The following TNRC6A variants were observed in gnomAD, a reference collection of about 807,000 sequenced individuals.
TNRC6A encodes trinucleotide repeat containing adaptor 6A.
Under a neutral mutation model 221.2 loss-of-function variants are expected in TNRC6A, and 44 were observed. The observed-to-expected ratio is 0.20, with a 90% CI of 0.16 to 0.26. The LOEUF is 0.26. Ranked by LOEUF, TNRC6A falls within the 10% of genes least tolerant of loss-of-function variation. The pLI, the probability that TNRC6A is intolerant of heterozygous loss-of-function variation, is 1.00. For missense variants in TNRC6A, 2,199 were observed against 2,404.4 expected (o/e 0.91, Z 1.79); for synonymous variants, 847 against 838.5 (o/e 1.01, Z -0.18).
intron 1 of TNRC6A, among the ~76,000 whole-genome samples, chr16:24,630,491 T>C (rs1038365696): frequency 6.6e-6 from 1 of 152,136 alleles, no homozygotes; most frequent in African/African-American, 2.4e-5. Context: ...TAGTGAGAAC[T>C]TGTTTCTACA....
intron 2 of TNRC6A, among the ~76,000 whole-genome samples, chr16:24,671,999 G>A (rs949433638): frequency 1.4e-4 from 21 of 152,230 alleles, no homozygotes; most frequent in African/African-American, 5.1e-4. Context: ...ACATTTGAGG[G>A]ACAGTTGGTG....
chr16:24,821,546 G>A (rs1287108470), intron 22 of TNRC6A, among the ~76,000 whole-genome samples: 2 of 152,170 alleles, frequency 1.3e-5, no homozygotes, highest in Non-Finnish European at 2.9e-5. Flanking sequence ...GCCTTGAGTT[G>A]CAGATGGGGT....
rs2058834074 is a variant in TNRC6A at position 24,824,449 on chromosome 16, T to G, written c.*642T>G. ...AATTTCGCTCTGCAGTTTGAAAAAC[T>G]GTGGCCACAGCTGTGACTTGCAGCC... On this transcript the variant is annotated 3_prime_UTR_variant, in exon 25 of 25. Coordinates refer to ENST00000395799, the MANE Select transcript of TNRC6A (RefSeq NM_014494.4). The G allele has an allele frequency of 6.6e-6, 1 of 152,640 alleles. No homozygotes were observed. Among genetic ancestry groups the G allele is most frequent in the Non-Finnish European group, 1.5e-5 (1 of 68,024 alleles). The allele number at this position is 152,640 out of a possible 1,614,324, so 9.5% of individuals were successfully genotyped here. A position where few individuals can be genotyped will look rare whatever the true frequency, so the allele number is the denominator to read the frequency against.
At chr16:24,815,024 CTAGAG>C in intron 18 of TNRC6A, 118 bp from the exon 19 acceptor site, 1 of 1,054,248 alleles carries the variant, frequency 9.5e-7, no homozygotes, top group South Asian at 1.6e-5. Context: ...AAGAGTTACT[CTAGAG>C]AACACAGCCT....
At chr16:24,676,468 A>AT (rs963194475) in intron 2 of TNRC6A, among the ~76,000 whole-genome samples, 2 of 151,648 alleles carry the variant, frequency 1.3e-5, no homozygotes, top group African/African-American at 4.8e-5. Flanking sequence ...AGCTGATTTT[A>AT]TTTTTAAGAC....
At chr16:24,783,274 G>A (rs972996332) in intron 5 of TNRC6A, among the ~76,000 whole-genome samples, 1 of 151,910 alleles carries the variant, frequency 6.6e-6, no homozygotes, top group African/African-American at 2.4e-5. Context: ...GATTATAAGC[G>A]TCCACCACCA....
At chr16:24,795,558 T>C (rs2058201337) in intron 8 of TNRC6A, 1 of 245,030 alleles carries the variant, frequency 4.1e-6, no homozygotes, top group East Asian at 7.8e-5. Context: ...CAGATACCAG[T>C]GGATAGCTGG....
chr16:24,729,194 A>G (rs2056546738), upstream of TNRC6A, among the ~76,000 whole-genome samples: 1 of 151,972 alleles, frequency 6.6e-6, no homozygotes, highest in Non-Finnish European at 1.5e-5. Flanking sequence ...AGAGAAGCAG[A>G]GAGGTTAAAT....
At chr16:24,619,333 A>G (rs1900545592) in intron 1 of TNRC6A, among the ~76,000 whole-genome samples, 1 of 152,228 alleles carries the variant, frequency 6.6e-6, no homozygotes, top group African/African-American at 2.4e-5. Flanking sequence ...CATGAATTTA[A>G]GTAGCTGCTA....
chr16:24,704,664 C>CAAAAAAAAAAAAAAAAAAA (rs58926085), intron 2 of TNRC6A, among the ~76,000 whole-genome samples: 6 of 69,454 alleles, frequency 8.6e-5, no homozygotes, highest in Non-Finnish European at 1.4e-4. Context: ...GACTCCGTCT[C>CAAAAAAAAAAAAAAAAAAA]AAAAAAAAAA....
chr16:24,823,330 C>T lies in TNRC6A; in HGVS notation c.5514-102C>T. On this transcript the variant is annotated intron_variant, in intron 24 of 24. Transcript: ENST00000395799. The surrounding 1 kb of genome is among the most constrained non-coding windows in gnomAD (Gnocchi z 4.3). The stretch of plus-strand genomic sequence containing the variant: ...GGTGTAGTCTCTCCCTCTGTGCCTT[C>T]TGTGGCTTTTCTAGCAGAGACAAGT... 1 of 1,422,378 alleles carries T rather than the reference C, an allele frequency of 7.0e-7. No homozygotes were observed. 88.1% of individuals were successfully genotyped at this position (1,422,378 alleles called of 1,614,324 possible). A position where few individuals can be genotyped will look rare whatever the true frequency, so the allele number is the denominator to read the frequency against.
At chr16:24,650,536 G>A (rs983261837) in intron 2 of TNRC6A, among the ~76,000 whole-genome samples, 1 of 152,068 alleles carries the variant, frequency 6.6e-6, no homozygotes, top group African/African-American at 2.4e-5. Context: ...ACGGTGGCAG[G>A]TGCCTGTAAG....
chr16:24,639,251 G>A (rs983312421), intron 1 of TNRC6A, among the ~76,000 whole-genome samples: 1 of 152,172 alleles, frequency 6.6e-6, no homozygotes, highest in Admixed American at 6.5e-5. Flanking sequence ...TTAGGAGGCC[G>A]AGGCAGGAGA....
intron 2 of TNRC6A, among the ~76,000 whole-genome samples, chr16:24,666,379 A>G (rs570612176): frequency 1.3e-5 from 2 of 151,072 alleles, no homozygotes; most frequent in Non-Finnish European, 2.9e-5. Flanking sequence ...AGGCTGAAGC[A>G]GGAGAATGGC....
chr16:24,646,694 C>T (rs1344241410), intron 2 of TNRC6A, among the ~76,000 whole-genome samples: 1 of 152,136 alleles, frequency 6.6e-6, no homozygotes, highest in Non-Finnish European at 1.5e-5. Context: ...AAAATCTATG[C>T]TACACTTTGG....
Position 24,797,921 on chromosome 16 carries a change from T to C in TNRC6A, c.3649T>C (p.Ser1217Pro). The C allele has an allele frequency of 6.2e-7, 1 of 1,609,698 alleles. No homozygotes were observed. Among genetic ancestry groups the C allele is most frequent in the Non-Finnish European group, 8.5e-7 (1 of 1,177,758 alleles). ...CTGCATTTTCTTTCTTCAGAGAGAC[T>C]CACCAGAGGAAAATGTACAAAGCAA... ...QFSNISFSRD[S>P]PEENVQSNKM... is the part of the protein sequence containing the mutation. The change falls in exon 11 of 25, where the codon TCA becomes CCA. Residue 1217 changes from serine to proline, a missense_variant. Ser to Pro is a moderately conservative substitution (Grantham distance 74). Coordinates refer to ENST00000395799, the MANE Select transcript of TNRC6A (RefSeq NM_014494.4).
chr16:24,750,777 A>C lies in TNRC6A; in HGVS notation c.105A>C (p.Lys35Asn). 1.9e-6 allele frequency: 3 copies of C among 1,569,538 alleles called. No individual in the cohort carries two copies. Among genetic ancestry groups the C allele is most frequent in the Non-Finnish European group, 1.7e-6 (2 of 1,160,776 alleles). Reference protein sequence around the residue: ...EQLMEEKKKKKDDKKKKEAAQ... With the variant: ...EQLMEEKKKKNDDKKKKEAAQ... ...TGATGGAAGAAAAGAAAAAGAAAAAAGACGACAAGAAAAAGAAGGAAGCTG... is the reference window on the plus strand; with the variant it reads ...TGATGGAAGAAAAGAAAAAGAAAAACGACGACAAGAAAAAGAAGGAAGCTG... The change falls in exon 3 of 25, where the codon AAA (lysine) becomes AAC (asparagine). Residue 35 changes from lysine to asparagine, a missense_variant. By Grantham distance (94) the Lys-to-Asn change is moderately conservative. Transcript: ENST00000395799.
At chr16:24,626,825 T>G (rs924828514) in intron 1 of TNRC6A, among the ~76,000 whole-genome samples, 1 of 151,836 alleles carries the variant, frequency 6.6e-6, no homozygotes, top group Non-Finnish European at 1.5e-5. Flanking sequence ...AATTTTTTTG[T>G]ACTTTTTAGT....
intron 2 of TNRC6A, among the ~76,000 whole-genome samples, chr16:24,687,456 G>T (rs1393350355): frequency 2.6e-5 from 4 of 151,976 alleles, no homozygotes; most frequent in African/African-American, 9.7e-5. Context: ...AATTCTTCTT[G>T]GCCCTATCAC....
Sources: allele counts gnomAD v4.1 joint callset (sites outside exome capture counted in the v4.1 genomes callset), GRCh38; gene constraint gnomAD v4.1.1; non-coding constraint Gnocchi (gnomAD v3.1); transcripts MANE v1.5; gene names NCBI Gene and HGNC (gene_info 2026-07-23, HGNC 2026-07-21).